Variants in JARID2 observed in about 807,000 individuals in gnomAD.
JARID2 encodes the protein jumonji and AT-rich interaction domain containing 2, also known as protein Jumonji.
A neutral mutation model predicts 125.6 loss-of-function variants in JARID2; 21 were observed. The ratio of observed to expected loss-of-function variants is 0.17; its 90% CI spans 0.12 to 0.24. The LOEUF is 0.24. Among genes scored for constraint, JARID2 ranks in the 10% least tolerant of loss-of-function variants. JARID2 has a pLI of 1.00. For synonymous variants in JARID2, 736 were observed against 661.6 expected (o/e 1.11, Z -1.73); for missense variants, 1,303 against 1,639.6 (o/e 0.79, Z 3.55).
At chr6:15,433,593 G>A (rs921279973) in intron 3 of JARID2, among the ~76,000 whole-genome samples, 4 of 152,122 alleles carry the variant, frequency 2.6e-5, no homozygotes, top group African/African-American at 9.7e-5. Flanking sequence ...GTATTAGGCG[G>A]TCATATGCTG....
At chr6:15,480,472 T>C (rs762772795) in intron 5 of JARID2, among the ~76,000 whole-genome samples, 5 of 152,170 alleles carry the variant, frequency 3.3e-5, no homozygotes, top group Non-Finnish European at 5.9e-5. Context: ...GGATTCCCTC[T>C]TGTGTTTGGA....
intron 1 of JARID2, among the ~76,000 whole-genome samples, chr6:15,367,898 C>T (rs775681669): frequency 1.6e-4 from 24 of 152,286 alleles, no homozygotes; most frequent in Middle Eastern, 3.4e-3. Context: ...ACCCATTCTG[C>T]GAGCTTTACT....
At chr6:15,320,852 C>CTCTGTGTGTGTGTGTG (rs541608020) in intron 1 of JARID2, among the ~76,000 whole-genome samples, 5 of 145,314 alleles carry the variant, frequency 3.4e-5, no homozygotes, top group Admixed American at 1.4e-4. Flanking sequence ...CTCTCTCTCT[C>CTCTGTGTGTGTGTGTG]TGTGTGTGTG....
intron 3 of JARID2, among the ~76,000 whole-genome samples, chr6:15,450,902 C>G (rs1561870921): frequency 6.6e-6 from 1 of 152,032 alleles, no homozygotes. Flanking sequence ...AATCCCAACA[C>G]TTTGGAAGGT....
chr6:15,513,794 G>A (rs769664404), intron 16 of JARID2, among the ~76,000 whole-genome samples: 36 of 152,266 alleles, frequency 2.4e-4, no homozygotes, highest in Non-Finnish European at 1.9e-4. Flanking sequence ...CCAGTACTGG[G>A]CAGCGTCTGC....
chr6:15,494,170 C>T (rs545498726), intron 6 of JARID2, among the ~76,000 whole-genome samples: 2 of 152,304 alleles, frequency 1.3e-5, no homozygotes, highest in African/African-American at 4.8e-5. Context: ...TAGAGAAATA[C>T]AGGTCTCAGT....
rs200303801 is a variant in JARID2 at position 15,365,486 on chromosome 6, A to G, written c.46-8631A>G. Among the ~76,000 whole-genome samples the G allele has an allele frequency of 2.8e-4, 43 of 152,326 alleles. No individual in the cohort carries two copies. The East Asian group carries it at 7.7e-3, about 27-fold the overall frequency. ...GCGGATGTCTGACATGCTCAGACGC[A>G]AAAGAGCTGACTTGGCAGCTGCCCA... On this transcript the variant is annotated intron_variant, in intron 1 of 17. Coordinates refer to ENST00000341776, the MANE Select transcript of JARID2 (RefSeq NM_004973.4).
chr6:15,319,762 G>A (rs1182666287), intron 1 of JARID2, among the ~76,000 whole-genome samples: 3 of 152,112 alleles, frequency 2.0e-5, no homozygotes, highest in African/African-American at 7.2e-5. Flanking sequence ...ACCTGAGGAT[G>A]GCCCTTTAAC....
chr6:15,377,786 C>T (rs1408268003), intron 2 of JARID2, among the ~76,000 whole-genome samples: 1 of 152,016 alleles, frequency 6.6e-6, no homozygotes. Flanking sequence ...CCTGCTTCGG[C>T]CTCCCAAAGT....
At chr6:15,406,115 T>C (rs908364371) in intron 2 of JARID2, among the ~76,000 whole-genome samples, 1 of 152,158 alleles carries the variant, frequency 6.6e-6, no homozygotes, top group African/African-American at 2.4e-5. Context: ...ATAAAGTCAG[T>C]CTTGCGCCTT....
chr6:15,246,339 T>C lies in JARID2; in HGVS notation c.-201T>C. On this transcript the variant is annotated 5_prime_UTR_variant, in exon 1 of 18. Coordinates refer to ENST00000341776, the MANE Select transcript of JARID2 (RefSeq NM_004973.4). ...TTTTTTTGTTTGCTTCGTTCGTCTTTGGCTCTTTTTTTTTCCTTCCCAATT... is the reference window on the plus strand; with the variant it reads ...TTTTTTTGTTTGCTTCGTTCGTCTTCGGCTCTTTTTTTTTCCTTCCCAATT... 1.7e-6 allele frequency: 1 copy of C among 576,798 alleles called. No homozygotes were observed. 35.7% of individuals were successfully genotyped at this position (576,798 alleles called of 1,614,324 possible).
Position 15,504,614 on chromosome 6 carries a change from G to C in JARID2, c.2541+22G>C, listed in dbSNP as rs201974507. The C allele has an allele frequency of 1.1e-5, 17 of 1,516,892 alleles. No individual in the cohort carries two copies. The South Asian group carries it at 1.9e-4, about 17-fold the overall frequency. 94.0% of individuals were successfully genotyped at this position (1,516,892 alleles called of 1,614,324 possible). A position where few individuals can be genotyped will look rare whatever the true frequency, so the allele number is the denominator to read the frequency against. On this transcript the variant is annotated intron_variant, in intron 9 of 17. Coordinates refer to ENST00000341776, the MANE Select transcript of JARID2 (RefSeq NM_004973.4). Reference sequence around the variant, plus strand: ...CGAGGTGAGAGAAGGGGCCCCTCACGCTGCCTCTCATGGTGTGGGAACCCC... The same window carrying C: ...CGAGGTGAGAGAAGGGGCCCCTCACCCTGCCTCTCATGGTGTGGGAACCCC...
intron 1 of JARID2, among the ~76,000 whole-genome samples, chr6:15,346,219 T>C (rs1307962022): frequency 6.6e-6 from 1 of 152,244 alleles, no homozygotes; most frequent in East Asian, 1.9e-4. Flanking sequence ...CATTAAGATA[T>C]TCATTTATTC....
chr6:15,352,280 G>T (rs994114277), intron 1 of JARID2, among the ~76,000 whole-genome samples: 2 of 152,012 alleles, frequency 1.3e-5, no homozygotes, highest in Non-Finnish European at 2.9e-5. Flanking sequence ...AACAAGGAAG[G>T]CTCTCTTGTT....
At chr6:15,451,609 A>G (rs1464604418) in intron 3 of JARID2, among the ~76,000 whole-genome samples, 1 of 152,218 alleles carries the variant, frequency 6.6e-6, no homozygotes, top group Non-Finnish European at 1.5e-5. Context: ...TAGGATGTAT[A>G]TAAATACAGC....
intron 1 of JARID2, among the ~76,000 whole-genome samples, chr6:15,347,652 G>T (rs981290931): frequency 1.3e-5 from 2 of 152,160 alleles, no homozygotes; most frequent in South Asian, 4.1e-4. Context: ...TTCTGTTGGG[G>T]TTTAAACATT....
At chr6:15,497,959 A>G (rs1048301788) in intron 7 of JARID2, among the ~76,000 whole-genome samples, 7 of 152,074 alleles carry the variant, frequency 4.6e-5, no homozygotes, top group African/African-American at 7.2e-5. Flanking sequence ...CTGTGTCTTC[A>G]TCTCCTCTCC....
chr6:15,353,210 G>A (rs1490923789), intron 1 of JARID2, among the ~76,000 whole-genome samples: 1 of 152,172 alleles, frequency 6.6e-6, no homozygotes, highest in Non-Finnish European at 1.5e-5. Flanking sequence ...AATACTTGTT[G>A]CCTGTCTTTT....
intron 2 of JARID2, chr6:15,400,866 C>T (rs753039957): frequency 7.0e-5 from 90 of 1,286,752 alleles, no homozygotes; most frequent in Non-Finnish European, 8.4e-5. Context: ...ACAAGTGCTC[C>T]GGAGCCTGCC....
Sources: allele counts gnomAD v4.1 joint callset (sites outside exome capture counted in the v4.1 genomes callset), GRCh38; gene constraint gnomAD v4.1.1; transcripts MANE v1.5; gene names NCBI Gene and HGNC (gene_info 2026-07-23, HGNC 2026-07-21).